The following TMED3 variants were observed in gnomAD, a reference collection of about 807,000 sequenced individuals.
TMED3 encodes transmembrane emp24 domain-containing protein 3.
Under a neutral mutation model 15.0 loss-of-function variants are expected in TMED3, and 9 were observed. That is an observed-to-expected ratio of 0.60 (90% CI 0.36 to 1.04). The LOEUF (loss-of-function observed/expected upper bound fraction) is 1.04. Ranked by LOEUF, TMED3 falls within the 50% of genes least tolerant of loss-of-function variation. The probability of loss-of-function intolerance (pLI) is 0.01; values close to 1 mark genes in which losing one functional copy is unlikely to be tolerated. For synonymous variants in TMED3, 117 were observed against 121.4 expected, an observed-to-expected ratio of 0.96 and a Z score of 0.24; for missense variants, 267 against 278.9, an observed-to-expected ratio of 0.96 and a Z score of 0.30.
At chr15:79,341,195 C>CAAAA (rs58885572) in intron 2 of TMED3, among the ~76,000 whole-genome samples, 1,097 of 57,554 alleles carry the variant, frequency 0.019, 67 homozygotes, top group Middle Eastern at 0.042. Flanking sequence ...GACCCTGTCT[C>CAAAA]AAAAAAAAAA....
At chr15:79,318,578 A>G (rs2141215585) in intron 2 of TMED3, among the ~76,000 whole-genome samples, 1 of 152,338 alleles carries the variant, frequency 6.6e-6, no homozygotes, top group Admixed American at 6.5e-5. Flanking sequence ...GTCTGCCTGT[A>G]TAGGTAGTGC....
In TMED3 at chr15:79,383,132, G is replaced by A. The variant is rs1047605318; in HGVS notation, c.418-28268G>A. ...GTACCCACAGCTTTACTGCCATGGT[G>A]CACTTCACTTCCTGCCTTGTCCACT... On this transcript the variant is annotated intron_variant, in intron 2 of 2. Coordinates refer to the TMED3 transcript ENST00000424155. The A allele has an allele frequency of 4.9e-6, 5 of 1,027,882 alleles. No homozygotes were observed. In the Admixed American group the frequency reaches 1.0e-4, roughly 21 times the overall value. 63.7% of individuals were successfully genotyped at this position (1,027,882 alleles called of 1,614,324 possible). A position where few individuals can be genotyped will look rare whatever the true frequency, so the allele number is the denominator to read the frequency against.
intron 2 of TMED3, among the ~76,000 whole-genome samples, chr15:79,320,714 A>G (rs2058762701): frequency 6.6e-6 from 1 of 152,208 alleles, no homozygotes; most frequent in Non-Finnish European, 1.5e-5. Context: ...GTTTTCCCAC[A>G]GGCATAATGT....
In TMED3 at chr15:79,411,474, C is replaced by A. The variant is rs753170941; in HGVS notation, c.492C>A (p.Thr164=). The A allele has an allele frequency of 2.3e-5, 16 of 702,342 alleles. No individual in the cohort carries two copies. In the Admixed American group the frequency reaches 2.4e-4, roughly 11 times the overall value. 43.5% of individuals were successfully genotyped at this position (702,342 alleles called of 1,614,324 possible). The change falls in exon 3 of 3, where the codon ACC becomes ACA. Residue 164 remains threonine, a synonymous_variant. Coordinates refer to the TMED3 transcript ENST00000424155. ...TGCAGCCAGGCGGAACACCTGCCACCGAGGGACTGGGACGACTGGCACCCT... is the reference window on the plus strand; with the variant it reads ...TGCAGCCAGGCGGAACACCTGCCACAGAGGGACTGGGACGACTGGCACCCT...
intron 2 of TMED3, among the ~76,000 whole-genome samples, chr15:79,396,645 A>AC (rs1893766845): frequency 6.6e-6 from 1 of 152,146 alleles, no homozygotes; most frequent in South Asian, 2.1e-4. Context: ...GTCACATAGC[A>AC]CCTCTTCCAT....
chr15:79,359,791 C>A (rs2141239778), intron 2 of TMED3, among the ~76,000 whole-genome samples: 1 of 152,190 alleles, frequency 6.6e-6, no homozygotes, highest in South Asian at 2.1e-4. Flanking sequence ...TGAGTAAATA[C>A]AAGTAAAGCC....
At chr15:79,336,033 G>A (rs2058825723) in intron 2 of TMED3, among the ~76,000 whole-genome samples, 1 of 152,176 alleles carries the variant, frequency 6.6e-6, no homozygotes, top group African/African-American at 2.4e-5. Context: ...AGGAAAATAA[G>A]GAAAGCCATT....
rs944707024 is a variant in TMED3, at chr15:79,311,151, C to G, written c.-99C>G. On this transcript the variant is annotated 5_prime_UTR_variant, in exon 1 of 3. In the 5' UTR this introduces an upstream ATG that the reference lacks. Transcript: ENST00000299705. Reference sequence around the variant, plus strand: ...AGAGCTCCGCTGGTGCCACGTCTATCCCCTTACATCCTCCTAGGACCCGGT... The same window carrying G: ...AGAGCTCCGCTGGTGCCACGTCTATGCCCTTACATCCTCCTAGGACCCGGT... The G allele has an allele frequency of 2.3e-6, 3 of 1,323,472 alleles. No individual in the cohort carries two copies. Among genetic ancestry groups the G allele is most frequent in the African/African-American group, 3.1e-5 (2 of 65,446 alleles). 82.0% of individuals were successfully genotyped at this position (1,323,472 alleles called of 1,614,324 possible). A position where few individuals can be genotyped will look rare whatever the true frequency, so the allele number is the denominator to read the frequency against.
At chr15:79,357,305 T>C (rs1255423074) in intron 2 of TMED3, among the ~76,000 whole-genome samples, 1 of 150,674 alleles carries the variant, frequency 6.6e-6, no homozygotes, top group East Asian at 2.0e-4. Context: ...GGCCACATAG[T>C]GAGACTCCCA....
At chr15:79,366,230 C>G (rs1161518017) in intron 2 of TMED3, among the ~76,000 whole-genome samples, 1 of 152,174 alleles carries the variant, frequency 6.6e-6, no homozygotes, top group African/African-American at 2.4e-5. Context: ...CAGTACTGTA[C>G]ACAGCACTCT....
At chr15:79,412,889 G>C (rs2141262348) in exon 3 of TMED3, 1 of 152,414 alleles carries the variant, frequency 6.6e-6, no homozygotes. Flanking sequence ...TGAGGAGCCA[G>C]AGAACGAAGT....
intron 2 of TMED3, among the ~76,000 whole-genome samples, chr15:79,341,141 C>T (rs1268059975): frequency 7.7e-6 from 1 of 129,636 alleles, no homozygotes; most frequent in African/African-American, 3.0e-5. Context: ...CTTCAGTGAG[C>T]TGCGATCATG....
intron 2 of TMED3, among the ~76,000 whole-genome samples, chr15:79,333,323 G>T (rs1318146714): frequency 1.3e-5 from 2 of 152,184 alleles, no homozygotes; most frequent in African/African-American, 4.8e-5. Context: ...TGTTTTTCCA[G>T]CTCTGGTGGC....
chr15:79,365,789 T>C (rs1023485112), intron 2 of TMED3, among the ~76,000 whole-genome samples: 1 of 152,248 alleles, frequency 6.6e-6, no homozygotes, highest in Admixed American at 6.5e-5. Context: ...TTTTTTCCTT[T>C]TGGCACAGAG....
chr15:79,364,546 A>G (rs1005520913), intron 2 of TMED3, among the ~76,000 whole-genome samples: 8 of 151,854 alleles, frequency 5.3e-5, no homozygotes, highest in African/African-American at 1.9e-4. Context: ...TCATTCCCAA[A>G]AAGTTGTCTT....
intron 2 of TMED3, among the ~76,000 whole-genome samples, chr15:79,392,450 G>A (rs1036954335): frequency 1.3e-5 from 2 of 152,146 alleles, no homozygotes; most frequent in Non-Finnish European, 2.9e-5. Context: ...CTTCTAGCTT[G>A]TAGGGTTTCT....
At chr15:79,410,143 G>T (rs1017204081) in intron 2 of TMED3, among the ~76,000 whole-genome samples, 4 of 152,052 alleles carry the variant, frequency 2.6e-5, no homozygotes, top group African/African-American at 4.8e-5. Flanking sequence ...GGCCTGGGAG[G>T]TTTATATATT....
chr15:79,390,826 C>T (rs1893686608), intron 2 of TMED3, among the ~76,000 whole-genome samples: 1 of 151,850 alleles, frequency 6.6e-6, no homozygotes, highest in South Asian at 2.1e-4. Flanking sequence ...TGTATTTTTC[C>T]AGGAATTTAT....
chr15:79,313,594 C>A (rs1421243850), intron 1 of TMED3, among the ~76,000 whole-genome samples, 163 bp from the exon 2 acceptor site: 6 of 152,206 alleles, frequency 3.9e-5, no homozygotes, highest in Non-Finnish European at 8.8e-5. Context: ...TTTATTTAAC[C>A]TTGCTCAGCC....
Sources: gnomAD v4.1 joint callset for allele counts (sites outside exome capture counted in the v4.1 genomes callset) on GRCh38, gnomAD v4.1.1 for gene constraint, MANE v1.5 for transcripts, NCBI Gene and HGNC (gene_info 2026-07-23, HGNC 2026-07-21) for gene names.